Variants in RIT2 observed in about 807,000 individuals in gnomAD.
The protein encoded by RIT2 is Ras like without CAAX 2.
Under a neutral mutation model 23.7 loss-of-function variants are expected in RIT2, and 24 were observed. That is an observed-to-expected ratio of 1.01 (90% CI 0.73 to 1.43). RIT2 has a LOEUF of 1.43. Among genes scored for constraint, RIT2 ranks in the 40% most tolerant of loss-of-function variants. The pLI is 0.00. For synonymous variants in RIT2, 107 were observed against 91.1 expected (o/e 1.17, Z -0.99); for missense variants, 236 against 266.9 (o/e 0.88, Z 0.81).
chr18:42,820,865 G>C (rs1046962400), intron 4 of RIT2, among the ~76,000 whole-genome samples: 2 of 152,090 alleles, frequency 1.3e-5, no homozygotes, highest in African/African-American at 4.8e-5. Context: ...GTTAAAATGT[G>C]ATCTGAAATT....
rs185614575 is a variant in RIT2 at position 42,793,309 on chromosome 18, C to T, written c.427-49589G>A. ...CCCCCTATACTGCCAGACAGAAATT[C>T]TTCATTTAAACTGTTTTACTTCTTG... On this transcript the variant is annotated intron_variant, in intron 4 of 4. Coordinates refer to ENST00000326695, the MANE Select transcript of RIT2 (RefSeq NM_002930.4). 6.8e-4 allele frequency among the ~76,000 whole-genome samples: 104 copies of T among 152,216 alleles called. 1 individual carries two copies. The highest frequency in any genetic ancestry group is 2.4e-3 in the Admixed American group (37 of 15,296).
chr18:42,885,079 T>C (rs17714864), intron 4 of RIT2, among the ~76,000 whole-genome samples: 15,658 of 152,224 alleles, frequency 0.1, 954 homozygotes, highest in Middle Eastern at 0.24. Context: ...ATGCTTCTGT[T>C]GTGAATTCAT....
chr18:43,088,528 G>A (rs1231604400), intron 1 of RIT2, among the ~76,000 whole-genome samples: 1 of 151,996 alleles, frequency 6.6e-6, no homozygotes, highest in African/African-American at 2.4e-5. Context: ...AATAGAAACA[G>A]GACAGAGAGG....
intron 1 of RIT2, among the ~76,000 whole-genome samples, chr18:43,099,406 T>A (rs1913630516): frequency 6.6e-6 from 1 of 152,128 alleles, no homozygotes; most frequent in African/African-American, 2.4e-5. Context: ...GCATTTTTAA[T>A]CTTGTATATA....
At chr18:42,798,856 A>G (rs1905445740) in intron 4 of RIT2, among the ~76,000 whole-genome samples, 1 of 152,224 alleles carries the variant, frequency 6.6e-6, no homozygotes, top group African/African-American at 2.4e-5. Flanking sequence ...GAGCCTGGTG[A>G]TAACTCTGAT....
intron 1 of RIT2, among the ~76,000 whole-genome samples, chr18:43,073,054 T>C (rs1174486108): frequency 1.3e-5 from 2 of 152,216 alleles, no homozygotes; most frequent in African/African-American, 4.8e-5. Flanking sequence ...GGCAAATTGC[T>C]ATTTCTAACT....
intron 4 of RIT2, among the ~76,000 whole-genome samples, chr18:42,797,554 T>C (rs1905404344): frequency 6.6e-6 from 1 of 152,236 alleles, no homozygotes; most frequent in African/African-American, 2.4e-5. Flanking sequence ...CATGTTACTA[T>C]TGTTTGTTGC....
chr18:42,772,170 C>T (rs1913566885), intron 4 of RIT2, among the ~76,000 whole-genome samples: 1 of 152,082 alleles, frequency 6.6e-6, no homozygotes, highest in Non-Finnish European at 1.5e-5. Flanking sequence ...GGCATGAACC[C>T]CCAAGTCTTC....
chr18:42,776,621 T>G (rs2143924433), intron 4 of RIT2, among the ~76,000 whole-genome samples: 1 of 152,224 alleles, frequency 6.6e-6, no homozygotes, highest in African/African-American at 2.4e-5. Flanking sequence ...AAAAACAAAC[T>G]TATGAAGTAA....
intron 2 of RIT2, among the ~76,000 whole-genome samples, chr18:43,029,356 T>C (rs1911802358): frequency 6.6e-6 from 1 of 152,022 alleles, no homozygotes; most frequent in South Asian, 2.1e-4. Flanking sequence ...TTGTTGGTCT[T>C]ATGAATTTCT....
At chr18:43,091,820 T>C (rs1913429916) in intron 1 of RIT2, among the ~76,000 whole-genome samples, 1 of 152,112 alleles carries the variant, frequency 6.6e-6, no homozygotes, top group South Asian at 2.1e-4. Context: ...GAAGATTTCA[T>C]CTGTTTTATT....
chr18:43,044,699 G>C (rs1056559160), intron 1 of RIT2, among the ~76,000 whole-genome samples: 3 of 152,280 alleles, frequency 2.0e-5, no homozygotes, highest in African/African-American at 7.2e-5. Flanking sequence ...ACTGAGATTT[G>C]GGGGTTGAGG....
At position 42,910,612 on chromosome 18, in the gene RIT2, T is replaced by C. The variant is rs191161776; in HGVS notation, c.426+12960A>G. ...GTGGCAAAGCGGCAGAGCTGCAGAG[T>C]GGTGAGGTAGAGAAGAAGAGAAGAA... On this transcript the variant is annotated intron_variant, in intron 4 of 4. Coordinates refer to ENST00000326695, the MANE Select transcript of RIT2 (RefSeq NM_002930.4). Among the ~76,000 whole-genome samples, 1,287 of 151,510 alleles carry C rather than the reference T, an allele frequency of 8.5e-3. 15 individuals carry two copies. Among genetic ancestry groups the C allele is most frequent in the African/African-American group, 0.029 (1,196 of 41,278 alleles).
intron 4 of RIT2, among the ~76,000 whole-genome samples, chr18:42,894,172 A>G (rs1421717895): frequency 1.3e-5 from 2 of 152,208 alleles, no homozygotes; most frequent in Non-Finnish European, 2.9e-5. Context: ...ACATGAAAAT[A>G]GAAAGAAGAC....
At chr18:42,841,876 C>T (rs546348577) in intron 4 of RIT2, among the ~76,000 whole-genome samples, 1 of 152,190 alleles carries the variant, frequency 6.6e-6, no homozygotes, top group African/African-American at 2.4e-5. Context: ...GATCTCTCTT[C>T]TCACTCAGCA....
intron 2 of RIT2, among the ~76,000 whole-genome samples, chr18:43,032,210 A>G (rs1911869974): frequency 6.6e-6 from 1 of 152,072 alleles, no homozygotes. Context: ...CAAGTGATAG[A>G]TGTGTCTCAT....
chr18:42,858,524 A>AT (rs1907246379), intron 4 of RIT2, among the ~76,000 whole-genome samples: 2 of 152,192 alleles, frequency 1.3e-5, no homozygotes, highest in Admixed American at 1.3e-4. Flanking sequence ...CCCCATTAGA[A>AT]TTTTTTATAA....
At chr18:42,869,662 A>T (rs1449027596) in intron 4 of RIT2, among the ~76,000 whole-genome samples, 1 of 152,132 alleles carries the variant, frequency 6.6e-6, no homozygotes, top group Admixed American at 6.5e-5. Context: ...ATCTGGTTAA[A>T]ACTTTCCATT....
chr18:42,998,025 C>A (rs558780502), intron 2 of RIT2, among the ~76,000 whole-genome samples: 1 of 152,286 alleles, frequency 6.6e-6, no homozygotes, highest in African/African-American at 2.4e-5. Context: ...CAACAAGGCT[C>A]TGATAGTTTC....
Sources: allele counts gnomAD v4.1 joint callset (sites outside exome capture counted in the v4.1 genomes callset), GRCh38; gene constraint gnomAD v4.1.1; transcripts MANE v1.5; gene names NCBI Gene and HGNC (gene_info 2026-07-23, HGNC 2026-07-21).